NETO1: variants seen among roughly 807,000 people sequenced by gnomAD.
NETO1 encodes the protein neuropilin and tolloid-like protein 1.
Under a neutral mutation model 61.3 loss-of-function variants are expected in NETO1, and 26 were observed. That is an observed-to-expected ratio of 0.42 (90% CI 0.31 to 0.59). NETO1 has a LOEUF of 0.59. Among genes scored for constraint, NETO1 ranks in the 20% least tolerant of loss-of-function variants. The pLI, the probability that NETO1 is intolerant of heterozygous loss-of-function variation, is 0.12. For synonymous variants in NETO1, 225 were observed against 225.8 expected (o/e 1.00, Z 0.03); for missense variants, 531 against 662.8 (o/e 0.80, Z 2.18).
intron 4 of NETO1, among the ~76,000 whole-genome samples, chr18:72,820,385 A>G (rs532183156): frequency 1.3e-5 from 2 of 152,358 alleles, no homozygotes; most frequent in African/African-American, 4.8e-5. Context: ...AAAATCAATG[A>G]TGGAATATAC....
intron 4 of NETO1, among the ~76,000 whole-genome samples, chr18:72,841,799 A>G (rs2073943354): frequency 6.6e-6 from 1 of 151,110 alleles, no homozygotes; most frequent in Admixed American, 6.6e-5. Flanking sequence ...GAAATGGAAC[A>G]ATCACAGGTC....
At chr18:72,801,488 G>A (rs915147006) in intron 4 of NETO1, among the ~76,000 whole-genome samples, 2 of 152,100 alleles carry the variant, frequency 1.3e-5, no homozygotes, top group South Asian at 2.1e-4. Context: ...AATAAAGTAT[G>A]TGAATGTATT....
chr18:72,844,221 A>C (rs1248692776), intron 4 of NETO1, among the ~76,000 whole-genome samples: 1 of 151,916 alleles, frequency 6.6e-6, no homozygotes, highest in South Asian at 2.1e-4. Context: ...TCATCTCACC[A>C]AATTTTATTG....
intron 8 of NETO1, among the ~76,000 whole-genome samples, chr18:72,750,971 GTC>G (rs2070590583): frequency 8.3e-6 from 1 of 120,734 alleles, no homozygotes. Flanking sequence ...TAAATACAAA[GTC>G]TCTTTTTTCA....
chr18:72,778,545 A>G (rs1599155639), intron 7 of NETO1, among the ~76,000 whole-genome samples: 1 of 152,158 alleles, frequency 6.6e-6, no homozygotes. Flanking sequence ...CACAAGCAAT[A>G]CCTTCCACAA....
At chr18:72,831,260 T>C (rs959146237) in intron 4 of NETO1, among the ~76,000 whole-genome samples, 1 of 152,150 alleles carries the variant, frequency 6.6e-6, no homozygotes, top group Non-Finnish European at 1.5e-5. Context: ...ACAGACCACA[T>C]CTTCTAACAA....
chr18:72,772,792 G>GA (rs1568187172), intron 7 of NETO1, among the ~76,000 whole-genome samples: 8,045 of 39,472 alleles, frequency 0.2, 1,668 homozygotes, highest in East Asian at 0.31. Flanking sequence ...TCTCTATATA[G>GA]TTCTCTCTCT....
chr18:72,790,763 C>T (rs2072087303), intron 6 of NETO1, among the ~76,000 whole-genome samples: 1 of 152,112 alleles, frequency 6.6e-6, no homozygotes, highest in Admixed American at 6.6e-5. Flanking sequence ...GACAGTCCTT[C>T]AAATGTTTGA....
chr18:72,771,978 A>G (rs1275306983), intron 7 of NETO1, among the ~76,000 whole-genome samples: 1 of 152,142 alleles, frequency 6.6e-6, no homozygotes, highest in Non-Finnish European at 1.5e-5. Flanking sequence ...GCTAAAATCA[A>G]GAGTCTGTCT....
At chr18:72,836,619 C>CCAAAG (rs750982263) in intron 4 of NETO1, among the ~76,000 whole-genome samples, 2 of 152,042 alleles carry the variant, frequency 1.3e-5, no homozygotes, top group Non-Finnish European at 1.5e-5. Context: ...TAAACATAAA[C>CCAAAG]CAAAGCACAG....
chr18:72,864,132 T>A (rs981947576), intron 3 of NETO1, among the ~76,000 whole-genome samples: 1 of 151,924 alleles, frequency 6.6e-6, no homozygotes, highest in Admixed American at 6.6e-5. Context: ...GGCAGGAGAA[T>A]CGCTGGAACT....
intron 7 of NETO1, among the ~76,000 whole-genome samples, chr18:72,779,574 C>T (rs1048561543): frequency 1.3e-4 from 20 of 152,042 alleles, no homozygotes; most frequent in Admixed American, 5.9e-4. Flanking sequence ...TAGCACTGAT[C>T]GAAGCCCACT....
At chr18:72,846,562 G>A (rs1184058477) in intron 4 of NETO1, among the ~76,000 whole-genome samples, 1 of 131,554 alleles carries the variant, frequency 7.6e-6, no homozygotes, top group East Asian at 2.2e-4. Context: ...GCTTATGTAA[G>A]TGAAAGAAAG....
chr18:72,749,896 T>G (rs1056931766), intron 9 of NETO1, among the ~76,000 whole-genome samples, 166 bp downstream of exon 9: 1 of 152,058 alleles, frequency 6.6e-6, no homozygotes, highest in African/African-American at 2.4e-5. Context: ...AGGAAGAATA[T>G]GGATAGCAGT....
intron 4 of NETO1, among the ~76,000 whole-genome samples, chr18:72,831,769 C>A (rs762124142): frequency 9.2e-5 from 14 of 152,008 alleles, no homozygotes; most frequent in Admixed American, 2.0e-4. Flanking sequence ...CATTACGTTT[C>A]TGTGCAAAGC....
chr18:72,759,443 G>A (rs907241693), intron 7 of NETO1, among the ~76,000 whole-genome samples: 17 of 151,744 alleles, frequency 1.1e-4, no homozygotes, highest in Admixed American at 1.1e-3. Flanking sequence ...ATGTTTAATC[G>A]CTCATAATGG....
In NETO1 at chr18:72,808,089, C is replaced by A. The variant is rs114832892; in HGVS notation, c.470-13685G>T. ...AACGCCTCCATTATTATCCTCTTTT[C>A]TCAATTATGCCACATTCACTGTTTT... On this transcript the variant is annotated intron_variant, in intron 4 of 10. Coordinates refer to ENST00000327305, the MANE Select transcript of NETO1 (RefSeq NM_138966.5). Among the ~76,000 whole-genome samples, 685 of 152,280 alleles carry A rather than the reference C, an allele frequency of 4.5e-3. 7 individuals carry two copies. Among genetic ancestry groups the A allele is most frequent in the African/African-American group, 0.015 (628 of 41,544 alleles).
rs1445291586 is a variant in NETO1 at position 72,747,997 on chromosome 18, G to T, written c.*182C>A. The T allele has an allele frequency of 6.1e-6, 2 of 328,940 alleles. No homozygotes were observed. Among genetic ancestry groups the T allele is most frequent in the Middle Eastern group, 1.5e-3 (1 of 654 alleles). The allele number at this position is 328,940 out of a possible 1,614,324, so 20.4% of individuals were successfully genotyped here. A position where few individuals can be genotyped will look rare whatever the true frequency, so the allele number is the denominator to read the frequency against. On this transcript the variant is annotated 3_prime_UTR_variant, in exon 11 of 11. Transcript: ENST00000327305. ...GTGGCCAGCAACCAAATTACGAAAT[G>T]AACATATCAGTGTGCAGCGGGGATG... is the stretch of plus-strand genomic sequence containing the variant.
intron 4 of NETO1, among the ~76,000 whole-genome samples, chr18:72,825,128 G>C (rs993506811): frequency 1.2e-4 from 19 of 152,132 alleles, no homozygotes; most frequent in African/African-American, 4.3e-4. Context: ...TGATTAGCAA[G>C]AGTTAGTCCT....
Sources: allele counts gnomAD v4.1 joint callset (sites outside exome capture counted in the v4.1 genomes callset), GRCh38; gene constraint gnomAD v4.1.1; transcripts MANE v1.5; gene names NCBI Gene and HGNC (gene_info 2026-07-23, HGNC 2026-07-21).